The following SRGAP3 variants were observed in gnomAD, a reference collection of about 807,000 sequenced individuals.
SRGAP3 encodes SLIT-ROBO Rho GTPase activating protein 3.
SRGAP3 carries 39 observed loss-of-function variants against 121.1 expected under a neutral mutation model. The observed-to-expected ratio is 0.32, with a 90% confidence interval of 0.25 to 0.42. SRGAP3 has a LOEUF of 0.42. Ranked by LOEUF, SRGAP3 falls within the 10% of genes least tolerant of loss-of-function variation. The pLI is 1.00. For synonymous variants in SRGAP3, 601 were observed against 570.0 expected, an observed-to-expected ratio of 1.05 and a Z score of -0.77; for missense variants, 1,213 against 1,470.6, an observed-to-expected ratio of 0.82 and a Z score of 2.86.
intron 1 of SRGAP3, among the ~76,000 whole-genome samples, chr3:9,169,765 C>T (rs1418492405): frequency 6.6e-6 from 1 of 152,192 alleles, no homozygotes; most frequent in Non-Finnish European, 1.5e-5. Flanking sequence ...TTATTGCTTG[C>T]TAGAGAATCA....
intron 18 of SRGAP3, among the ~76,000 whole-genome samples, chr3:9,009,600 G>C (rs1442670243): frequency 6.6e-6 from 1 of 152,102 alleles, no homozygotes; most frequent in Non-Finnish European, 1.5e-5. Flanking sequence ...TGCCTACTCT[G>C]CCTGACGGAT....
chr3:9,321,589 G>A (rs898812303), intron 3 of SRGAP3, among the ~76,000 whole-genome samples: 2 of 151,958 alleles, frequency 1.3e-5, no homozygotes, highest in South Asian at 2.1e-4. Context: ...ATTTGTTGGT[G>A]CTGGTCTACA....
chr3:8,988,809 A>G (rs1199745747), intron 21 of SRGAP3, among the ~76,000 whole-genome samples: 1 of 152,174 alleles, frequency 6.6e-6, no homozygotes, highest in Non-Finnish European at 1.5e-5. Flanking sequence ...TCAGGAGAGC[A>G]CTACCTAGAT....
At chr3:9,009,465 A>G (rs1019514564) in intron 18 of SRGAP3, among the ~76,000 whole-genome samples, 4 of 152,270 alleles carry the variant, frequency 2.6e-5, no homozygotes, top group Non-Finnish European at 5.9e-5. Context: ...ATTATATTTT[A>G]CAACTGCATT....
chr3:9,032,701 G>A lies in SRGAP3; in HGVS notation c.1488C>T (p.Leu496=). 1 of 1,613,708 alleles carries A rather than the reference G, an allele frequency of 6.2e-7. No individual in the cohort carries two copies. Among genetic ancestry groups the A allele is most frequent in the Non-Finnish European group, 8.5e-7 (1 of 1,179,926 alleles). ...TAAAGAGTTTATGGCTATACACTGA[G>A]AGAGGCCTAGGTCTCCTCATTTTCT... is the stretch of plus-strand genomic sequence containing the variant. ...KPQKMRRPRP[L]SVYSHKLFNG... The change falls in exon 12 of 22, where the codon CTC becomes CTT. Residue 496 remains leucine, a synonymous_variant. Transcript: ENST00000383836.
intron 12 of SRGAP3, among the ~76,000 whole-genome samples, chr3:9,032,386 T>C (rs1944528951): frequency 6.6e-6 from 1 of 152,216 alleles, no homozygotes; most frequent in Non-Finnish European, 1.5e-5. Flanking sequence ...ATTTCAGCCA[T>C]ACTTGGACTT....
intron 1 of SRGAP3, among the ~76,000 whole-genome samples, chr3:9,248,167 A>G (rs1282817032): frequency 1.3e-5 from 2 of 152,254 alleles, no homozygotes; most frequent in African/African-American, 2.4e-5. Context: ...CCCAAACGGC[A>G]TGCCGAGGTG....
At position 9,262,534 on chromosome 3, in the gene SRGAP3, C is replaced by CAAAAAAAAAAAAAAA. The variant is rs765408588; in HGVS notation, n.442+63461_442+63475dup. Reference sequence around the variant, plus strand: ...GAAGATTTACCAAGCAAATGGAAAGCAAAAAAAAAAAAAAAAAAAAAAGCA... The same window carrying CAAAAAAAAAAAAAAA: ...GAAGATTTACCAAGCAAATGGAAAGCAAAAAAAAAAAAAAAAAAAAAAAAAAAAAAAAAAAAAGCA... On this transcript the variant is annotated intron_variant and non_coding_transcript_variant, in intron 3 of 3. Coordinates refer to the SRGAP3 transcript ENST00000490889. Among the ~76,000 whole-genome samples the CAAAAAAAAAAAAAAA allele has an allele frequency of 4.6e-3, 117 of 25,560 alleles. 16 individuals carry two copies. The highest frequency in any genetic ancestry group is 6.6e-3 in the South Asian group (3 of 458). The allele number at this position is 25,560 out of a possible 152,430, so 16.8% of individuals were successfully genotyped here. A position where few individuals can be genotyped will look rare whatever the true frequency, so the allele number is the denominator to read the frequency against.
chr3:9,244,767 T>A (rs1289145957), intron 1 of SRGAP3, among the ~76,000 whole-genome samples: 1 of 152,192 alleles, frequency 6.6e-6, no homozygotes, highest in Non-Finnish European at 1.5e-5. Flanking sequence ...TTAAACAGAT[T>A]TGTTAAGGAC....
intron 1 of SRGAP3, among the ~76,000 whole-genome samples, chr3:9,345,536 A>G (rs1458367286): frequency 6.6e-6 from 1 of 151,202 alleles, no homozygotes; most frequent in Non-Finnish European, 1.5e-5. Context: ...TAATCCTAGC[A>G]CTTTGGGAGG....
At chr3:9,267,457 T>C (rs1954387648) in intron 3 of SRGAP3, among the ~76,000 whole-genome samples, 1 of 152,210 alleles carries the variant, frequency 6.6e-6, no homozygotes, top group Non-Finnish European at 1.5e-5. Context: ...CTGTTCTGGA[T>C]GCCGTGGGGG....
chr3:9,008,485 G>C (rs940933758), intron 18 of SRGAP3: 2 of 152,754 alleles, frequency 1.3e-5, no homozygotes, highest in African/African-American at 2.4e-5. Context: ...GAGAGATAAA[G>C]AGATGGACAG....
intron 3 of SRGAP3, among the ~76,000 whole-genome samples, chr3:9,095,986 T>C (rs1437533779): frequency 6.6e-6 from 1 of 151,926 alleles, no homozygotes; most frequent in African/African-American, 2.4e-5. Context: ...GCAAGAGGAT[T>C]TCTTGAGCCC....
chr3:9,039,424 T>TA (rs1944917993), intron 10 of SRGAP3, among the ~76,000 whole-genome samples: 1 of 152,224 alleles, frequency 6.6e-6, no homozygotes, highest in African/African-American at 2.4e-5. Context: ...GTCCAGATCT[T>TA]ACGCTTCCCT....
At chr3:8,993,207 C>T in intron 19 of SRGAP3, 152 bp from the exon 20 acceptor site, 2 of 1,253,498 alleles carry the variant, frequency 1.6e-6, no homozygotes, top group South Asian at 2.6e-5. Flanking sequence ...CCACTGGGTG[C>T]CTTCCCACCA....
At chr3:9,081,938 G>C (rs1947265948) in intron 3 of SRGAP3, among the ~76,000 whole-genome samples, 1 of 152,194 alleles carries the variant, frequency 6.6e-6, no homozygotes, top group Non-Finnish European at 1.5e-5. Context: ...GAGGTGATTA[G>C]GTCATAAGGG....
chr3:9,034,642 C>T (rs2125099066), intron 11 of SRGAP3: 1 of 152,302 alleles, frequency 6.6e-6, no homozygotes, highest in East Asian at 1.9e-4. Context: ...TGAAAAGAAA[C>T]AACAGGCAAG....
intron 1 of SRGAP3, among the ~76,000 whole-genome samples, chr3:9,196,195 G>T (rs532608358): frequency 6.6e-6 from 1 of 152,222 alleles, no homozygotes; most frequent in Non-Finnish European, 1.5e-5. Context: ...TGACAAGTCC[G>T]TCTGCCCAGC....
intron 3 of SRGAP3, among the ~76,000 whole-genome samples, chr3:9,268,242 G>A (rs1307195148): frequency 6.6e-6 from 1 of 152,030 alleles, no homozygotes; most frequent in Non-Finnish European, 1.5e-5. Flanking sequence ...AGGTCATGAG[G>A]TTGGAGCCTC....
Sources: gnomAD v4.1 joint callset for allele counts (sites outside exome capture counted in the v4.1 genomes callset) on GRCh38, gnomAD v4.1.1 for gene constraint, MANE v1.5 for transcripts, NCBI Gene and HGNC (gene_info 2026-07-23, HGNC 2026-07-21) for gene names.